Variants in ECM2 observed in about 807,000 individuals in gnomAD.
The protein encoded by ECM2 is extracellular matrix protein 2, female organ and adipocyte specific.
Under a neutral mutation model 67.5 loss-of-function variants are expected in ECM2, and 57 were observed. That is an observed-to-expected ratio of 0.84 (90% confidence interval 0.68 to 1.05). The LOEUF (loss-of-function observed/expected upper bound fraction) is 1.05. Ranked by LOEUF, ECM2 falls within the 50% of genes least tolerant of loss-of-function variation. The pLI is 0.00. For synonymous variants in ECM2, 258 were observed against 294.5 expected, an observed-to-expected ratio of 0.88 and a Z score of 1.27; for missense variants, 741 against 822.8, an observed-to-expected ratio of 0.90 and a Z score of 1.22.
chr9:92,506,026 G>A (rs1563973722), intron 6 of ECM2, among the ~76,000 whole-genome samples: 1 of 152,198 alleles, frequency 6.6e-6, no homozygotes, highest in African/African-American at 2.4e-5. Context: ...CATAGAAATT[G>A]TGGTGGCTGA....
At chr9:92,508,848 AATAAC>A (rs953428239) in intron 6 of ECM2, among the ~76,000 whole-genome samples, 2 of 152,116 alleles carry the variant, frequency 1.3e-5, no homozygotes, top group African/African-American at 4.8e-5. Context: ...TTGTTTAATA[AATAAC>A]ATAATAAATA....
rs1846969712 is a variant in ECM2, at chr9:92,505,794, C to A, written c.1307-104G>T. 4 of 923,898 alleles carry A rather than the reference C, an allele frequency of 4.3e-6. No homozygotes were observed. The South Asian group carries it at 7.5e-5, about 17-fold the overall frequency. 57.2% of individuals were successfully genotyped at this position (923,898 alleles called of 1,614,324 possible). On this transcript the variant is annotated intron_variant, in intron 6 of 9. Transcript: ENST00000344604. ...TGAAATGGCCGGTTTATTTGGAGGG[C>A]AAATACAGTTTTTTTTAAACCTTTG... is the stretch of plus-strand genomic sequence containing the variant.
the ECM2 span, among the ~76,000 whole-genome samples, chr9:92,558,756 A>G: frequency 6.6e-6 from 1 of 152,060 alleles, no homozygotes; most frequent in East Asian, 1.9e-4. Flanking sequence ...AAGGACCATC[A>G]GGTGGGGACA....
rs918961805 is a variant in ECM2, at chr9:92,528,262, G to A, written c.-27-5369C>T. On this transcript the variant is annotated intron_variant, in intron 1 of 9. Coordinates refer to ENST00000344604, the MANE Select transcript of ECM2 (RefSeq NM_001393.4). ...GAAAGGGGATGCAAATCAAATGCCCGGAGAGACCTGTGATTGACCTGCTTA... is the reference window on the plus strand; with the variant it reads ...GAAAGGGGATGCAAATCAAATGCCCAGAGAGACCTGTGATTGACCTGCTTA... 6.0e-4 allele frequency among the ~76,000 whole-genome samples: 91 copies of A among 152,152 alleles called. 1 individual carries two copies. Among genetic ancestry groups the A allele is most frequent in the Admixed American group, 9.2e-4 (14 of 15,280 alleles).
intron 1 of ECM2, among the ~76,000 whole-genome samples, chr9:92,524,952 G>A (rs966521903): frequency 1.2e-4 from 18 of 152,134 alleles, no homozygotes; most frequent in African/African-American, 4.3e-4. Flanking sequence ...CAAAGGAGAG[G>A]CATTGAAGGA....
At chr9:92,504,195 A>G (rs533120435) in intron 7 of ECM2, among the ~76,000 whole-genome samples, 18 of 151,742 alleles carry the variant, frequency 1.2e-4, no homozygotes, top group Non-Finnish European at 2.7e-4. Flanking sequence ...CTGACTTAGC[A>G]TATCTGGGGT....
In ECM2 at chr9:92,496,323, T is replaced by C; in HGVS notation, c.2092A>G (p.Ile698Val). ...YSSIVLKPQNIK is the reference protein window; with the variant it reads ...YSSIVLKPQNVK Reference sequence around the variant, plus strand: ...CAAAGGAAAACTTGGAATTACTTGATGTTTTGTGGTTTAAGAACGATACTT... The same window carrying C: ...CAAAGGAAAACTTGGAATTACTTGACGTTTTGTGGTTTAAGAACGATACTT... Residue 698 changes from isoleucine (I) to valine (V), a missense_variant, in exon 10 of 10, where the codon ATC becomes GTC. Coordinates refer to ENST00000344604, the MANE Select transcript of ECM2 (RefSeq NM_001393.4). 2 of 1,576,910 alleles carry C rather than the reference T, an allele frequency of 1.3e-6. No individual in the cohort carries two copies. Among genetic ancestry groups the C allele is most frequent in the Non-Finnish European group, 1.7e-6 (2 of 1,167,288 alleles).
chr9:92,546,830 G>C, the ECM2 span, among the ~76,000 whole-genome samples: 1 of 152,078 alleles, frequency 6.6e-6, no homozygotes, highest in African/African-American at 2.4e-5. Flanking sequence ...AGAAGAATCA[G>C]AAAATCTAAA....
chr9:92,537,961 T>C (rs1849228652), upstream of ECM2, among the ~76,000 whole-genome samples: 1 of 152,178 alleles, frequency 6.6e-6, no homozygotes, highest in African/African-American at 2.4e-5. Flanking sequence ...ATACATTGTT[T>C]TTTGGGGGAA....
the ECM2 span, among the ~76,000 whole-genome samples, chr9:92,542,503 T>C: frequency 1.6e-5 from 2 of 127,104 alleles, no homozygotes; most frequent in African/African-American, 8.4e-5. Context: ...TGTTTTCTTT[T>C]CTTTCTTTTT....
the ECM2 span, among the ~76,000 whole-genome samples, chr9:92,555,214 ATTTTTT>A: frequency 3.5e-4 from 22 of 63,462 alleles, no homozygotes; most frequent in South Asian, 9.0e-3. Context: ...TTTTTTGGAA[ATTTTTT>A]TTTTTTTTTT....
chr9:92,531,042 A>G (rs1563989543), intron 1 of ECM2, among the ~76,000 whole-genome samples: 1 of 152,064 alleles, frequency 6.6e-6, no homozygotes, highest in African/African-American at 2.4e-5. Flanking sequence ...TATACTTCCT[A>G]TTAGTGGCAT....
At chr9:92,547,180 A>G in the ECM2 span, among the ~76,000 whole-genome samples, 12 of 152,256 alleles carry the variant, frequency 7.9e-5, no homozygotes, top group Non-Finnish European at 1.6e-4. Flanking sequence ...ATAAAATTCA[A>G]CAGCCATTAG....
chr9:92,526,222 A>C (rs1297395541), intron 1 of ECM2, among the ~76,000 whole-genome samples: 1 of 152,196 alleles, frequency 6.6e-6, no homozygotes, highest in Non-Finnish European at 1.5e-5. Context: ...TGTTTGTCTC[A>C]GTTTTTAACA....
chr9:92,545,050 CAGTA>C, the ECM2 span, among the ~76,000 whole-genome samples: 1 of 152,308 alleles, frequency 6.6e-6, no homozygotes, highest in South Asian at 2.1e-4. Flanking sequence ...ATTTAAAAGA[CAGTA>C]AGAAAATCTT....
the ECM2 span, among the ~76,000 whole-genome samples, chr9:92,549,886 A>C: frequency 6.6e-6 from 1 of 152,160 alleles, no homozygotes; most frequent in Non-Finnish European, 1.5e-5. Context: ...AATAATGGCC[A>C]ATGTGGACAA....
the ECM2 span, among the ~76,000 whole-genome samples, chr9:92,551,955 T>TATATATG: frequency 1.7e-5 from 2 of 119,746 alleles, no homozygotes; most frequent in African/African-American, 8.3e-5. Flanking sequence ...ATATATATGA[T>TATATATG]ATATATATGT....
At chr9:92,540,954 A>AT (rs1450068243), upstream of ECM2, among the ~76,000 whole-genome samples, 2 of 151,686 alleles carry the variant, frequency 1.3e-5, no homozygotes, top group Non-Finnish European at 2.9e-5. Context: ...AAAGTTGGGG[A>AT]TTTTTTCTTT....
chr9:92,506,235 A>T (rs1847001413), intron 6 of ECM2, among the ~76,000 whole-genome samples: 1 of 152,208 alleles, frequency 6.6e-6, no homozygotes, highest in South Asian at 2.1e-4. Flanking sequence ...TGAACAAGGG[A>T]GTCAGAAGTA....
Sources: allele counts gnomAD v4.1 joint callset (sites outside exome capture counted in the v4.1 genomes callset), GRCh38; gene constraint gnomAD v4.1.1; transcripts MANE v1.5; gene names NCBI Gene and HGNC (gene_info 2026-07-23, HGNC 2026-07-21).